Variants in XPO5 observed in about 807,000 individuals in gnomAD.
The protein encoded by XPO5 is exportin-5.
Under a neutral mutation model 160.6 loss-of-function variants are expected in XPO5, and 46 were observed. That is an observed-to-expected ratio of 0.29 (90% CI 0.23 to 0.37). The LOEUF (loss-of-function observed/expected upper bound fraction) is 0.37. XPO5 is among the 10% of genes least tolerant of loss of function. The pLI, the probability that XPO5 is intolerant of heterozygous loss-of-function variation, is 1.00. For synonymous variants in XPO5, 537 were observed against 519.3 expected (o/e 1.03, Z -0.46); for missense variants, 1,090 against 1,463.9 (o/e 0.74, Z 4.17).
intron 20 of XPO5, chr6:43,539,473 G>A (rs1338564927): frequency 3.8e-6 from 6 of 1,577,582 alleles, no homozygotes; most frequent in African/African-American, 1.3e-5. Flanking sequence ...TCTCCTCCAG[G>A]GACTTGATCT....
chr6:43,532,042 G>A (rs1794023208), intron 21 of XPO5, among the ~76,000 whole-genome samples: 1 of 152,178 alleles, frequency 6.6e-6, no homozygotes, highest in Non-Finnish European at 1.5e-5. Context: ...GAGTCCTATA[G>A]TCAGAAGCTA....
chr6:43,544,959 G>A (rs1049787739), intron 20 of XPO5, among the ~76,000 whole-genome samples: 1 of 152,050 alleles, frequency 6.6e-6, no homozygotes, highest in Non-Finnish European at 1.5e-5. Flanking sequence ...TGCAATCTCC[G>A]CCTCCCGGGT....
At chr6:43,530,631 G>T in intron 23 of XPO5, 57 bp downstream of exon 23, 1 of 1,589,680 alleles carries the variant, frequency 6.3e-7, no homozygotes. Context: ...GACCTGTTTT[G>T]TTTCTCTCTC....
intron 14 of XPO5, among the ~76,000 whole-genome samples, chr6:43,552,651 C>T (rs1289205516): frequency 1.3e-5 from 2 of 152,226 alleles, no homozygotes; most frequent in African/African-American, 4.8e-5. Flanking sequence ...CTGCGCCCGG[C>T]TTATCAGCTA....
intron 8 of XPO5, among the ~76,000 whole-genome samples, chr6:43,564,511 A>G (rs999908139): frequency 1.1e-4 from 16 of 152,268 alleles, no homozygotes; most frequent in Non-Finnish European, 2.2e-4. Context: ...CCTGGGCAAT[A>G]AGAGCGAAAC....
rs575528454 is a variant in XPO5 at position 43,563,655 on chromosome 6, C to A, written c.912-1309G>T. 2.6e-5 allele frequency among the ~76,000 whole-genome samples: 4 copies of A among 152,276 alleles called. No individual in the cohort carries two copies. The South Asian group carries it at 8.3e-4, about 32-fold the overall frequency. ...AGCCTATTGCTCCTAGGCTACAAAC[C>A]TCTATAGCATGTTACCGTAGCCAAT... On this transcript the variant is annotated intron_variant, in intron 8 of 31. Coordinates refer to ENST00000265351, the MANE Select transcript of XPO5 (RefSeq NM_020750.3).
At chr6:43,542,065 G>T (rs932758427) in intron 20 of XPO5, among the ~76,000 whole-genome samples, 1 of 152,138 alleles carries the variant, frequency 6.6e-6, no homozygotes, top group East Asian at 1.9e-4. Flanking sequence ...TTACATGCAT[G>T]AGCCACCGCA....
chr6:43,558,852 T>C (rs554170183), intron 11 of XPO5: 7 of 351,998 alleles, frequency 2.0e-5, no homozygotes, highest in African/African-American at 1.3e-4. Context: ...TCTTGAATTC[T>C]TTTAAGGTCC....
chr6:43,539,707 G>C lies in XPO5; in HGVS notation c.2343-5700C>G, dbSNP rs978317692. ...CTGCACCGGCGTCATCCGCCATTTG[G>C]TGTTTTCTCGGAGAAGAAGCTACAT... On this transcript the variant is annotated intron_variant, in intron 20 of 31. Coordinates refer to ENST00000265351, the MANE Select transcript of XPO5 (RefSeq NM_020750.3). 87 of 682,756 alleles carry C rather than the reference G, an allele frequency of 1.3e-4. No individual in the cohort carries two copies. In the African/African-American group the frequency reaches 1.5e-3, roughly 12 times the overall value. 42.3% of individuals were successfully genotyped at this position (682,756 alleles called of 1,614,324 possible).
chr6:43,565,885 A>C, intron 7 of XPO5, 149 bp from the exon 8 acceptor site: 1 of 584,444 alleles, frequency 1.7e-6, no homozygotes, highest in Non-Finnish European at 2.9e-6. Context: ...CCAACTCTTT[A>C]AAACCAAATC....
intron 24 of XPO5, 102 bp from the exon 25 acceptor site, chr6:43,528,307 G>T: frequency 8.2e-7 from 1 of 1,221,986 alleles, no homozygotes; most frequent in South Asian, 1.3e-5. Flanking sequence ...AGCCAAGGAT[G>T]ATTCTAGGCA....
intron 20 of XPO5, 48 bp from the exon 21 acceptor site, chr6:43,534,055 GAA>G: frequency 6.9e-7 from 1 of 1,454,528 alleles, no homozygotes; most frequent in Non-Finnish European, 9.5e-7. Context: ...GATGCAGAAG[GAA>G]AGAGTGGGTT....
intron 15 of XPO5, chr6:43,550,923 A>G (rs1795196979): frequency 6.4e-6 from 1 of 157,268 alleles, no homozygotes; most frequent in East Asian, 1.8e-4. Context: ...CTTCATTGCA[A>G]TGCCATATAG....
intron 17 of XPO5, among the ~76,000 whole-genome samples, chr6:43,548,705 AG>A (rs1795083140): frequency 6.6e-6 from 1 of 151,548 alleles, no homozygotes; most frequent in Non-Finnish European, 1.5e-5. Flanking sequence ...AACTGTGAAA[AG>A]ATCAGCTTGT....
At chr6:43,569,292 CA>C (rs1312409551) in intron 5 of XPO5, among the ~76,000 whole-genome samples, 50 of 58,442 alleles carry the variant, frequency 8.6e-4, no homozygotes, top group African/African-American at 9.4e-4. Flanking sequence ...AACTCCGTCT[CA>C]AAAAAAAAAA....
intron 23 of XPO5, 109 bp from the exon 24 acceptor site, chr6:43,529,034 T>G: frequency 4.3e-6 from 5 of 1,158,164 alleles, no homozygotes; most frequent in Non-Finnish European, 6.1e-6. Context: ...TTGCCAGATG[T>G]CAAAAATATC....
At position 43,535,848 on chromosome 6, in the gene XPO5, C is replaced by T. The variant is rs111500883; in HGVS notation, c.2343-1841G>A. ...AAAAAAAAAGTCATTCTAGGCCGGGCGCAGTGGCTCACGCCTGTAATCCCA... is the reference window on the plus strand; with the variant it reads ...AAAAAAAAAGTCATTCTAGGCCGGGTGCAGTGGCTCACGCCTGTAATCCCA... On this transcript the variant is annotated intron_variant, in intron 20 of 31. Transcript: ENST00000265351. 4.7e-3 allele frequency among the ~76,000 whole-genome samples: 693 copies of T among 148,894 alleles called. 8 individuals carry two copies. Among genetic ancestry groups the T allele is most frequent in the African/African-American group, 0.016 (635 of 39,960 alleles).
At position 43,575,931 on chromosome 6, in the gene XPO5, TCGG is replaced by T; in HGVS notation, c.-70_-68del. On this transcript the variant is annotated 5_prime_UTR_variant, in exon 1 of 32. Coordinates refer to ENST00000265351, the MANE Select transcript of XPO5 (RefSeq NM_020750.3). ...GGGACCACGAGGCACGACAGCTCCCTCGGCGAGACCACCCGTTGGTACCGGGCC... is the reference window on the plus strand; with the variant it reads ...GGGACCACGAGGCACGACAGCTCCCTCGAGACCACCCGTTGGTACCGGGCC... 6.7e-7 allele frequency: 1 copy of T among 1,501,668 alleles called. No individual in the cohort carries two copies. The highest frequency in any genetic ancestry group is 9.1e-7 in the Non-Finnish European group (1 of 1,093,400). 93.0% of individuals were successfully genotyped at this position (1,501,668 alleles called of 1,614,324 possible). A position where few individuals can be genotyped will look rare whatever the true frequency, so the allele number is the denominator to read the frequency against.
chr6:43,558,829 G>A, intron 11 of XPO5: 1 of 396,918 alleles, frequency 2.5e-6, no homozygotes, highest in East Asian at 4.2e-5. Context: ...AAGTTCCTCA[G>A]GGAGAATTAA....
Sources: gnomAD v4.1 joint callset for allele counts (sites outside exome capture counted in the v4.1 genomes callset) on GRCh38, gnomAD v4.1.1 for gene constraint, MANE v1.5 for transcripts, NCBI Gene and HGNC (gene_info 2026-07-23, HGNC 2026-07-21) for gene names.